TOP3A: variants seen among roughly 807,000 people sequenced by gnomAD.
TOP3A encodes DNA topoisomerase III alpha.
In TOP3A, 64 loss-of-function variants were observed where a neutral mutation model predicts 111.3. The ratio of observed to expected loss-of-function variants is 0.57; its 90% CI spans 0.47 to 0.71. TOP3A has a LOEUF of 0.71. Ranked by LOEUF, TOP3A falls within the 30% of genes least tolerant of loss-of-function variation. TOP3A has a pLI of 0.00. For synonymous variants in TOP3A, 484 were observed against 485.1 expected (o/e 1.00, Z 0.03); for missense variants, 1,104 against 1,285.0 (o/e 0.86, Z 2.15).
rs1982160834 is a variant in TOP3A at position 18,314,862 on chromosome 17, G to A, written c.-84C>T. The A allele has an allele frequency of 3.9e-6, 4 of 1,025,470 alleles. No homozygotes were observed. Among genetic ancestry groups the A allele is most frequent in the Non-Finnish European group, 4.0e-6 (3 of 750,170 alleles). The allele number at this position is 1,025,470 out of a possible 1,614,324, so 63.5% of individuals were successfully genotyped here. On this transcript the variant is annotated 5_prime_UTR_variant, in exon 1 of 19. Coordinates refer to ENST00000321105, the MANE Select transcript of TOP3A (RefSeq NM_004618.5). ...AGATGAGGCTCAAATGGCGCCCACC[G>A]AAAGGGAACCAGAGCCTCGCTTCGG...
chr17:18,274,515 C>A lies in TOP3A; in HGVS notation c.*287G>T. 1 of 276,462 alleles carries A rather than the reference C, an allele frequency of 3.6e-6. No homozygotes were observed. The highest frequency in any genetic ancestry group is 6.8e-6 in the Non-Finnish European group (1 of 147,734). The allele number at this position is 276,462 out of a possible 1,614,324, so 17.1% of individuals were successfully genotyped here. A position where few individuals can be genotyped will look rare whatever the true frequency, so the allele number is the denominator to read the frequency against. The stretch of plus-strand genomic sequence containing the variant: ...CAGCTGGGACTGCACCAATCCTCTG[C>A]TAACAGCAACCATCCTTGGGGGGTC... On this transcript the variant is annotated 3_prime_UTR_variant, in exon 19 of 19. Coordinates refer to ENST00000321105, the MANE Select transcript of TOP3A (RefSeq NM_004618.5).
At chr17:18,279,370 C>A (rs1024688407) in intron 17 of TOP3A, among the ~76,000 whole-genome samples, 6 of 152,056 alleles carry the variant, frequency 3.9e-5, no homozygotes, top group Non-Finnish European at 7.4e-5. Context: ...CATTCTCCTG[C>A]CTCAGCCTGC....
chr17:18,285,061 G>A, intron 15 of TOP3A, 81 bp downstream of exon 15: 4 of 1,519,366 alleles, frequency 2.6e-6, no homozygotes, highest in Non-Finnish European at 3.6e-6. Context: ...GGCTGAGGTG[G>A]GAAGATCTCT....
At position 18,302,006 on chromosome 17, in the gene TOP3A, CAGAA is replaced by C. The variant is rs768055029; in HGVS notation, c.815-25_815-22del. 1.1e-5 allele frequency: 18 copies of C among 1,601,670 alleles called. 1 individual carries two copies. The Admixed American group carries it at 1.2e-4, about 10-fold the overall frequency. On this transcript the variant is annotated intron_variant, in intron 7 of 18. Coordinates refer to ENST00000321105, the MANE Select transcript of TOP3A (RefSeq NM_004618.5). Reference sequence around the variant, plus strand: ...AGTTACTATATTAAGGAGAGACAAACAGAAAGGCTGTGTCTCAGAGACATGTCAT... The same window carrying C: ...AGTTACTATATTAAGGAGAGACAAACAGGCTGTGTCTCAGAGACATGTCAT...
At chr17:18,306,853 G>T in intron 4 of TOP3A, 38 bp downstream of exon 4, 2 of 1,338,604 alleles carry the variant, frequency 1.5e-6, no homozygotes, top group Non-Finnish European at 1.1e-6. Flanking sequence ...TGACTCTGTG[G>T]TTTGACTCAG....
At chr17:18,302,966 T>G (rs906970184) in intron 5 of TOP3A, 1 of 452,292 alleles carries the variant, frequency 2.2e-6, no homozygotes, top group African/African-American at 2.0e-5. Flanking sequence ...CTAGTAACTG[T>G]GGGGAAAAGA....
Position 18,272,424 on chromosome 17 carries a change from C to T in TOP3A, c.*2378G>A, listed in dbSNP as rs968495473. On this transcript the variant is annotated 3_prime_UTR_variant, in exon 19 of 19. Transcript: ENST00000321105. ...GGTATAAAACTACAATTCCATTCCT[C>T]GGCATATGCCCAAAATAACTGAAAA... 9.9e-5 allele frequency among the ~76,000 whole-genome samples: 15 copies of T among 152,196 alleles called. No individual in the cohort carries two copies. The highest frequency in any genetic ancestry group is 1.9e-4 in the African/African-American group (8 of 41,452).
chr17:18,310,904 A>G (rs1484476256), intron 1 of TOP3A, among the ~76,000 whole-genome samples: 1 of 152,120 alleles, frequency 6.6e-6, no homozygotes, highest in Non-Finnish European at 1.5e-5. Flanking sequence ...GTTTCTGAAT[A>G]TGCCAAGCAG....
chr17:18,306,902 C>T lies in TOP3A; in HGVS notation c.379G>A (p.Val127Ile). ...CCAAAAGACCCTACCTTGATGTCTA[C>T]AAAATTCTCTGGGCAGTACTTTTCA... ...EIEKYCPENF[V>I]DIKKTLERET... The change falls in exon 4 of 19, where the codon GTA (valine) becomes ATA (isoleucine). Residue 127 changes from valine to isoleucine, a missense_variant. Coordinates refer to ENST00000321105, the MANE Select transcript of TOP3A (RefSeq NM_004618.5). 6.2e-7 allele frequency: 1 copy of T among 1,612,542 alleles called. No individual in the cohort carries two copies. The highest frequency in any genetic ancestry group is 1.7e-4 in the Middle Eastern group (1 of 6,058).
intron 15 of TOP3A, among the ~76,000 whole-genome samples, chr17:18,283,167 C>T (rs1042086907): frequency 2.6e-5 from 4 of 152,160 alleles, no homozygotes; most frequent in African/African-American, 7.2e-5. Flanking sequence ...GTTGTAATTT[C>T]GAGACCAGCC....
chr17:18,305,400 G>C (rs571780382), intron 4 of TOP3A, among the ~76,000 whole-genome samples, 180 bp from the exon 5 acceptor site: 2 of 152,104 alleles, frequency 1.3e-5, no homozygotes, highest in East Asian at 3.9e-4. Flanking sequence ...CAACCCCTTA[G>C]AACCATAAAC....
chr17:18,302,718 G>A lies in TOP3A; in HGVS notation c.505C>T (p.Pro169Ser), dbSNP rs371443079. ...EIIHVCKAVK[P>S]NLQVLRARFS... ...CGGGCTCGCAACACCTGCAGATTGGGCTTTACTGCAGAACACAAGGTGTTA... is the reference window on the plus strand; with the variant it reads ...CGGGCTCGCAACACCTGCAGATTGGACTTTACTGCAGAACACAAGGTGTTA... The change falls in exon 6 of 19, where the codon CCC becomes TCC. Residue 169 changes from proline to serine, a missense_variant. Physicochemically the swap from Pro to Ser is moderately conservative, Grantham distance 74. Coordinates refer to ENST00000321105, the MANE Select transcript of TOP3A (RefSeq NM_004618.5). 24 of 1,613,378 alleles carry A rather than the reference G, an allele frequency of 1.5e-5. No individual in the cohort carries two copies. The African/African-American group carries it at 2.8e-4, about 19-fold the overall frequency.
chr17:18,305,056 C>T, intron 5 of TOP3A, 56 bp downstream of exon 5: 1 of 1,440,692 alleles, frequency 6.9e-7, no homozygotes, highest in Non-Finnish European at 9.8e-7. Flanking sequence ...TAAACAAGAA[C>T]ACTCTATTTA....
chr17:18,297,555 T>C (rs1258623588), intron 9 of TOP3A, among the ~76,000 whole-genome samples: 1 of 152,190 alleles, frequency 6.6e-6, no homozygotes, highest in Non-Finnish European at 1.5e-5. Flanking sequence ...GCGGACTGCC[T>C]GCGATTGCAG....
chr17:18,292,130 T>C (rs1054252020), intron 11 of TOP3A, among the ~76,000 whole-genome samples: 4 of 152,198 alleles, frequency 2.6e-5, no homozygotes, highest in African/African-American at 9.6e-5. Flanking sequence ...TCCCCAACTT[T>C]GTGAGAAGCC....
At chr17:18,275,508 C>T (rs563412772) in intron 18 of TOP3A, among the ~76,000 whole-genome samples, 51 of 149,408 alleles carry the variant, frequency 3.4e-4, no homozygotes, top group African/African-American at 1.1e-3. Flanking sequence ...TACAGGCACC[C>T]GCCACCACGC....
At chr17:18,294,833 C>T (rs779135306) in intron 9 of TOP3A, 48 bp from the exon 10 acceptor site, 13 of 1,259,818 alleles carry the variant, frequency 1.0e-5, no homozygotes, top group Admixed American at 1.7e-5. Flanking sequence ...ATGGGTCAGG[C>T]AGCACAACTC....
intron 18 of TOP3A, among the ~76,000 whole-genome samples, 160 bp from the exon 19 acceptor site, chr17:18,275,140 G>A (rs568238298): frequency 6.4e-4 from 97 of 152,082 alleles, no homozygotes; most frequent in African/African-American, 2.3e-3. Context: ...GCAACATGGT[G>A]AAACCTTGTC....
At chr17:18,300,684 T>C (rs1388959011) in intron 8 of TOP3A, among the ~76,000 whole-genome samples, 1 of 152,086 alleles carries the variant, frequency 6.6e-6, no homozygotes, top group Non-Finnish European at 1.5e-5. Context: ...GCCTCCCAAG[T>C]AGATGGAACT....
Sources: allele counts gnomAD v4.1 joint callset (sites outside exome capture counted in the v4.1 genomes callset), GRCh38; gene constraint gnomAD v4.1.1; transcripts MANE v1.5; gene names NCBI Gene and HGNC (gene_info 2026-07-23, HGNC 2026-07-21).